SMCP: variants seen among roughly 807,000 people sequenced by gnomAD.
SMCP encodes the protein sperm mitochondrial-associated cysteine-rich protein.
For missense variants in SMCP, 137 were observed against 137.1 expected (o/e 1.00, Z 0.01); for synonymous variants, 41 against 46.9 (o/e 0.87, Z 0.51).
chr1:152,881,420 G>A (rs1478513512), intron 1 of SMCP, among the ~76,000 whole-genome samples: 1 of 152,072 alleles, frequency 6.6e-6, no homozygotes, highest in African/African-American at 2.4e-5. Context: ...CGGGCGCGGT[G>A]GCTCACGCCT....
intron 1 of SMCP, among the ~76,000 whole-genome samples, chr1:152,883,049 A>C (rs901647056): frequency 6.6e-6 from 1 of 152,204 alleles, no homozygotes; most frequent in Non-Finnish European, 1.5e-5. Context: ...CATCTCAAAA[A>C]AACAAAAACA....
chr1:152,882,772 A>T (rs1455391212), intron 1 of SMCP, among the ~76,000 whole-genome samples: 1 of 152,190 alleles, frequency 6.6e-6, no homozygotes, highest in South Asian at 2.1e-4. Flanking sequence ...GGGCTGGGAC[A>T]TTGGCTCACG....
At chr1:152,882,485 G>T (rs192279568) in intron 1 of SMCP, among the ~76,000 whole-genome samples, 1 of 152,298 alleles carries the variant, frequency 6.6e-6, no homozygotes. Flanking sequence ...GAGAGAGAAG[G>T]CCAGGACAGA....
rs1177691305 is a variant in SMCP, at chr1:152,884,851, C to G, written c.*78C>G. ...TGTAGGGTGGGGGATTACTGAGAGT[C>G]AGGCTAGACCTGTGTTTAGAGAAGC... On this transcript the variant is annotated 3_prime_UTR_variant, in exon 2 of 2. Transcript: ENST00000368765. The G allele has an allele frequency of 6.3e-6, 8 of 1,277,540 alleles. No homozygotes were observed. The highest frequency in any genetic ancestry group is 8.8e-6 in the Non-Finnish European group (8 of 912,396). The allele number at this position is 1,277,540 out of a possible 1,614,324, so 79.1% of individuals were successfully genotyped here. A position where few individuals can be genotyped will look rare whatever the true frequency, so the allele number is the denominator to read the frequency against.
intron 1 of SMCP, 120 bp from the exon 2 acceptor site, chr1:152,884,283 T>C: frequency 2.2e-6 from 2 of 894,566 alleles, no homozygotes; most frequent in Admixed American, 2.6e-5. Context: ...CAGCTCTGCT[T>C]TCTCAACCCT....
chr1:152,881,760 G>A (rs1649060789), intron 1 of SMCP, among the ~76,000 whole-genome samples: 1 of 150,720 alleles, frequency 6.6e-6, no homozygotes, highest in African/African-American at 2.5e-5. Context: ...AAGTTTAATC[G>A]ATTCACAGTT....
intron 1 of SMCP, among the ~76,000 whole-genome samples, chr1:152,879,167 G>T (rs537800775): frequency 6.6e-6 from 1 of 152,334 alleles, no homozygotes; most frequent in South Asian, 2.1e-4. Context: ...GCACAGCATG[G>T]TTGGGAAGGA....
intron 1 of SMCP, among the ~76,000 whole-genome samples, chr1:152,882,683 T>A (rs541252135): frequency 1.1e-4 from 16 of 147,328 alleles, no homozygotes; most frequent in South Asian, 2.1e-4. Flanking sequence ...ACACACACAC[T>A]CTCACAGAGA....
At chr1:152,884,278 C>T in intron 1 of SMCP, 125 bp from the exon 2 acceptor site, 1 of 847,890 alleles carries the variant, frequency 1.2e-6, no homozygotes, top group Non-Finnish European at 1.8e-6. Flanking sequence ...GGATCCAGCT[C>T]TGCTTTCTCA....
rs1649154817 is a variant in SMCP, at chr1:152,884,589, A to G, written c.167A>G (p.Asn56Ser). 6.2e-7 allele frequency: 1 copy of G among 1,614,040 alleles called. No individual in the cohort carries two copies. The highest frequency in any genetic ancestry group is 8.5e-7 in the Non-Finnish European group (1 of 1,180,000). ...KGSQCCPPKHNHCCQPKPPCC... is the reference protein window; with the variant it reads ...KGSQCCPPKHSHCCQPKPPCC... ...AGTCAATGCTGCCCACCAAAACACA[A>G]TCACTGCTGCCAGCCAAAACCCCCA... The change falls in exon 2 of 2, where the codon AAT (asparagine) becomes AGT (serine). Residue 56 changes from asparagine to serine, a missense_variant. By Grantham distance (46) the Asn-to-Ser change is conservative. Coordinates refer to ENST00000368765, the MANE Select transcript of SMCP (RefSeq NM_030663.3).
In SMCP at chr1:152,884,676, TG is replaced by T. The variant is rs34964338; in HGVS notation, c.256del (p.Glu86SerfsTer56). On this transcript the variant is annotated frameshift_variant, in exon 2 of 2. Transcript: ENST00000368765. LOFTEE classifies it low-confidence loss of function (END_TRUNC). ...ETKPEVSPLNMESEPNSPQTQ... is the reference protein window; with the variant it reads ...ETKPEVSPLNXESEPNSPQTQ... ...AAGCCTGAAGTCTCACCCCTTAACA[TG>T]GAGTCTGAGCCCAACTCACCGCAAA... is the stretch of plus-strand genomic sequence containing the variant. 7 of 1,614,154 alleles carry T rather than the reference TG, an allele frequency of 4.3e-6. No individual in the cohort carries two copies. In the South Asian group the frequency reaches 6.6e-5, roughly 15 times the overall value.
At position 152,884,877 on chromosome 1, in the gene SMCP, A is replaced by C; in HGVS notation, c.*104A>C. The C allele has an allele frequency of 1.0e-6, 1 of 992,068 alleles. No homozygotes were observed. The highest frequency in any genetic ancestry group is 1.7e-5 in the South Asian group (1 of 59,902). The allele number at this position is 992,068 out of a possible 1,614,324, so 61.5% of individuals were successfully genotyped here. ...AGGCTAGACCTGTGTTTAGAGAAGC[A>C]GTTTTCACAGTGACTACCATTTCCA... On this transcript the variant is annotated 3_prime_UTR_variant, in exon 2 of 2. Transcript: ENST00000368765.
At chr1:152,882,039 G>A (rs1288394270) in intron 1 of SMCP, among the ~76,000 whole-genome samples, 1 of 152,122 alleles carries the variant, frequency 6.6e-6, no homozygotes, top group East Asian at 1.9e-4. Context: ...GCAATGGCAC[G>A]ATCTCAGCTC....
chr1:152,880,337 G>A (rs1348195134), intron 1 of SMCP, among the ~76,000 whole-genome samples: 1 of 152,038 alleles, frequency 6.6e-6, no homozygotes, highest in African/African-American at 2.4e-5. Flanking sequence ...CAGCTGCAGG[G>A]GCACCCAAGT....
In SMCP at chr1:152,884,990, A is replaced by G. The variant is rs1019524807; in HGVS notation, c.*217A>G. 1.2e-4 allele frequency: 72 copies of G among 582,564 alleles called. 2 individuals are homozygous for G. In the South Asian group the frequency reaches 1.5e-3, roughly 12 times the overall value. The allele number at this position is 582,564 out of a possible 1,614,324, so 36.1% of individuals were successfully genotyped here. ...ATGGGAGGATGAAGAGGCTAGAATC[A>G]TCTTTCCTAGTGATCCTGACATTTA... On this transcript the variant is annotated 3_prime_UTR_variant, in exon 2 of 2. Coordinates refer to ENST00000368765, the MANE Select transcript of SMCP (RefSeq NM_030663.3).
intron 1 of SMCP, among the ~76,000 whole-genome samples, chr1:152,881,001 C>G (rs1649017818): frequency 6.6e-6 from 1 of 151,916 alleles, no homozygotes; most frequent in Non-Finnish European, 1.5e-5. Flanking sequence ...CAGAGAAACC[C>G]TGAGATGAGG....
intron 1 of SMCP, 143 bp from the exon 2 acceptor site, chr1:152,884,258 CCT>C: frequency 1.4e-6 from 1 of 694,476 alleles, no homozygotes; most frequent in Non-Finnish European, 2.4e-6. Context: ...GGCTGGCTGG[CCT>C]CTCTGAGGGA....
rs11549986 is a variant in SMCP at position 152,884,720 on chromosome 1, C to G, written c.298C>G (p.Gln100Glu). ...NSPQTQDKGC[Q>E]TQQQPHSPQN... Reference sequence around the variant, plus strand: ...ACCGCAAACTCAGGACAAGGGCTGTCAAACCCAGCAGCAGCCCCATAGCCC... The same window carrying G: ...ACCGCAAACTCAGGACAAGGGCTGTGAAACCCAGCAGCAGCCCCATAGCCC... Residue 100 changes from glutamine to glutamate, a missense_variant, in exon 2 of 2, where the codon CAA (glutamine) becomes GAA (glutamate). Coordinates refer to ENST00000368765, the MANE Select transcript of SMCP (RefSeq NM_030663.3). 5.9e-5 allele frequency: 96 copies of G among 1,614,182 alleles called. No homozygotes were observed. The South Asian group carries it at 9.8e-4, about 16-fold the overall frequency.
intron 1 of SMCP, among the ~76,000 whole-genome samples, chr1:152,883,730 G>A (rs1160138302): frequency 1.3e-5 from 2 of 152,176 alleles, no homozygotes; most frequent in Non-Finnish European, 2.9e-5. Flanking sequence ...GGGAGTTGCA[G>A]AACCAGGCCT....
Sources: gnomAD v4.1 joint callset for allele counts (sites outside exome capture counted in the v4.1 genomes callset) on GRCh38, gnomAD v4.1.1 for gene constraint, MANE v1.5 for transcripts, NCBI Gene and HGNC (gene_info 2026-07-23, HGNC 2026-07-21) for gene names.